DSCAML1: variants seen among roughly 807,000 people sequenced by gnomAD.
The protein encoded by DSCAML1 is cell adhesion molecule DSCAML1.
DSCAML1 carries 38 observed loss-of-function variants against 200.5 expected under a neutral mutation model. That is an observed-to-expected ratio of 0.19 (90% CI 0.15 to 0.25). The LOEUF (loss-of-function observed/expected upper bound fraction) is 0.25, where lower values mean the gene tolerates loss of function less well. Ranked by LOEUF, DSCAML1 falls within the 10% of genes least tolerant of loss-of-function variation. The pLI, the probability that DSCAML1 is intolerant of heterozygous loss-of-function variation, is 1.00. For synonymous variants in DSCAML1, 1,215 were observed against 1,165.0 expected, an observed-to-expected ratio of 1.04 and a Z score of -0.87; for missense variants, 2,223 against 2,858.8, an observed-to-expected ratio of 0.78 and a Z score of 5.07.
intron 3 of DSCAML1, among the ~76,000 whole-genome samples, chr11:117,741,151 G>C (rs1188771620): frequency 6.6e-6 from 1 of 152,226 alleles, no homozygotes; most frequent in Non-Finnish European, 1.5e-5. Context: ...TCCTTCCATA[G>C]TATGGAGTTG....
At chr11:117,662,477 C>T (rs566895022) in intron 3 of DSCAML1, among the ~76,000 whole-genome samples, 7 of 152,236 alleles carry the variant, frequency 4.6e-5, no homozygotes, top group Non-Finnish European at 8.8e-5. Context: ...CTCACAGAGT[C>T]GTGAGTTCAC....
intron 3 of DSCAML1, among the ~76,000 whole-genome samples, chr11:117,626,002 G>T (rs560479089): frequency 8.1e-4 from 123 of 152,350 alleles, no homozygotes; most frequent in African/African-American, 2.8e-3. Context: ...GGAGGCATTT[G>T]TCTCCAGGTA....
chr11:117,807,149 G>A (rs2055713561), intron 1 of DSCAML1, among the ~76,000 whole-genome samples: 1 of 152,176 alleles, frequency 6.6e-6, no homozygotes, highest in African/African-American at 2.4e-5. Flanking sequence ...CAGGCTCAGC[G>A]GGTAGCCTGT....
chr11:117,533,542 C>T (rs953979520), intron 3 of DSCAML1, among the ~76,000 whole-genome samples: 2 of 152,222 alleles, frequency 1.3e-5, no homozygotes, highest in Non-Finnish European at 1.5e-5. Flanking sequence ...AGTTCTCAAA[C>T]ACCCGTTGTG....
chr11:117,643,771 G>T (rs996306490), intron 3 of DSCAML1, among the ~76,000 whole-genome samples: 2 of 152,190 alleles, frequency 1.3e-5, no homozygotes, highest in South Asian at 4.1e-4. Context: ...CACTTATACC[G>T]CCGTCATCAC....
intron 4 of DSCAML1, among the ~76,000 whole-genome samples, chr11:117,527,897 G>A (rs2050006425): frequency 6.6e-6 from 1 of 152,178 alleles, no homozygotes; most frequent in Non-Finnish European, 1.5e-5. Flanking sequence ...CCCGGGTTGG[G>A]AATCAGGCTC....
At chr11:117,570,249 T>C (rs2050826598) in intron 3 of DSCAML1, among the ~76,000 whole-genome samples, 1 of 152,076 alleles carries the variant, frequency 6.6e-6, no homozygotes, top group Non-Finnish European at 1.5e-5. Flanking sequence ...GGATGAACGC[T>C]TTAGATTTGA....
intron 3 of DSCAML1, among the ~76,000 whole-genome samples, chr11:117,543,817 T>TTTG (rs199505995): frequency 0.016 from 2,372 of 151,882 alleles, 37 homozygotes; most frequent in East Asian, 0.078. Context: ...TTTTTGTTTG[T>TTTG]TTTGTTTTTT....
At chr11:117,792,302 T>C (rs1479622454) in intron 1 of DSCAML1, among the ~76,000 whole-genome samples, 1 of 152,134 alleles carries the variant, frequency 6.6e-6, no homozygotes, top group African/African-American at 2.4e-5. Context: ...GCCATAGTAG[T>C]ATCCTCTCAG....
chr11:117,657,786 C>G (rs897982094), intron 3 of DSCAML1, among the ~76,000 whole-genome samples: 10 of 152,046 alleles, frequency 6.6e-5, no homozygotes, highest in African/African-American at 2.2e-4. Flanking sequence ...CTTTGAAGGC[C>G]CCCTTTTAGC....
intron 1 of DSCAML1, among the ~76,000 whole-genome samples, chr11:117,803,265 G>GGT (rs1326185879): frequency 6.6e-6 from 1 of 152,064 alleles, no homozygotes; most frequent in Non-Finnish European, 1.5e-5. Context: ...CTGCACCAGG[G>GGT]GTGTGTGTGT....
chr11:117,539,838 G>A (rs960830966), intron 3 of DSCAML1, among the ~76,000 whole-genome samples: 8 of 151,968 alleles, frequency 5.3e-5, no homozygotes, highest in Non-Finnish European at 7.4e-5. Flanking sequence ...TCATAGCAGC[G>A]TTATTCACAA....
Position 117,458,856 on chromosome 11 carries a change from C to G in DSCAML1, c.3466G>C (p.Gly1156Arg), listed in dbSNP as rs760413334. 20 of 1,613,938 alleles carry G rather than the reference C, an allele frequency of 1.2e-5. No individual in the cohort carries two copies. The Admixed American group carries it at 1.8e-4, about 15-fold the overall frequency. ...TTTRERVELR[G>R]MEKFTNYSVQ... ...CTGTAGTTGGTGAACTTCTCCATGCCCCGCAGCTCCACCCGCTCCCGCGTG... is the reference window on the plus strand; with the variant it reads ...CTGTAGTTGGTGAACTTCTCCATGCGCCGCAGCTCCACCCGCTCCCGCGTG... The change falls in exon 19 of 33, where the codon GGC becomes CGC. Residue 1156 changes from glycine to arginine, a missense_variant. Physicochemically the swap from Gly to Arg is moderately radical, Grantham distance 125. Transcript: ENST00000651296.
intron 11 of DSCAML1, among the ~76,000 whole-genome samples, chr11:117,491,474 T>A (rs2049180080): frequency 6.6e-6 from 1 of 152,188 alleles, no homozygotes; most frequent in Non-Finnish European, 1.5e-5. Context: ...GACGTAAGAA[T>A]GTGAATGTTG....
chr11:117,677,515 G>A (rs939198908), intron 3 of DSCAML1, among the ~76,000 whole-genome samples: 24 of 152,140 alleles, frequency 1.6e-4, no homozygotes, highest in African/African-American at 5.3e-4. Context: ...AAGTCCTGGG[G>A]CGGGAGAATG....
rs1286481324 is a variant in DSCAML1 at position 117,716,257 on chromosome 11, G to A, written c.511+60534C>T. On this transcript the variant is annotated intron_variant, in intron 3 of 32. Coordinates refer to ENST00000651296, the MANE Select transcript of DSCAML1 (RefSeq NM_020693.4). ...AAAGGATCTGTCCCTGGATGGCCGGGGTTCTGGTCCCAGCCGTGTTGTTAA... is the reference window on the plus strand; with the variant it reads ...AAAGGATCTGTCCCTGGATGGCCGGAGTTCTGGTCCCAGCCGTGTTGTTAA... 2.6e-5 allele frequency among the ~76,000 whole-genome samples: 4 copies of A among 152,344 alleles called. No homozygotes were observed. In the East Asian group the frequency reaches 7.7e-4, roughly 29 times the overall value.
chr11:117,535,333 G>A (rs1175859544), intron 3 of DSCAML1, among the ~76,000 whole-genome samples: 4 of 152,320 alleles, frequency 2.6e-5, no homozygotes, highest in East Asian at 1.9e-4. Context: ...CATTGATCCC[G>A]GTTGAGCTAC....
chr11:117,532,275 A>G (rs1363422425), intron 4 of DSCAML1, 101 bp downstream of exon 4: 12 of 1,210,530 alleles, frequency 9.9e-6, no homozygotes, highest in Non-Finnish European at 1.4e-5. Flanking sequence ...CTGAGTACAC[A>G]GGGGGCTCCT....
chr11:117,803,767 C>T (rs893673086), intron 1 of DSCAML1, among the ~76,000 whole-genome samples: 6 of 152,350 alleles, frequency 3.9e-5, no homozygotes, highest in Non-Finnish European at 8.8e-5. Flanking sequence ...CAGTGCTGTT[C>T]ACACAGAAGC....
Sources: gnomAD v4.1 joint callset for allele counts (sites outside exome capture counted in the v4.1 genomes callset) on GRCh38, gnomAD v4.1.1 for gene constraint, MANE v1.5 for transcripts, NCBI Gene and HGNC (gene_info 2026-07-23, HGNC 2026-07-21) for gene names.